GATA4: variants seen among roughly 807,000 people sequenced by gnomAD.
GATA4 encodes GATA binding protein 4.
GATA4 carries 7 observed loss-of-function variants against 37.9 expected under a neutral mutation model. That is an observed-to-expected ratio of 0.18 (90% CI 0.11 to 0.35). The LOEUF is 0.35. Among genes scored for constraint, GATA4 ranks in the 10% least tolerant of loss-of-function variants. GATA4 has a pLI of 1.00. For missense variants in GATA4, 647 were observed against 653.0 expected, an observed-to-expected ratio of 0.99 and a Z score of 0.10; for synonymous variants, 372 against 292.6, an observed-to-expected ratio of 1.27 and a Z score of -2.77.
At chr8:11,733,136 G>C (rs964296673) in intron 2 of GATA4, among the ~76,000 whole-genome samples, 4 of 152,080 alleles carry the variant, frequency 2.6e-5, no homozygotes, top group African/African-American at 9.7e-5. Flanking sequence ...TTACTGAAGG[G>C]CATAAAAGAA....
At chr8:11,731,979 C>T (rs149304703) in intron 2 of GATA4, among the ~76,000 whole-genome samples, 1 of 152,314 alleles carries the variant, frequency 6.6e-6, no homozygotes, top group African/African-American at 2.4e-5. Flanking sequence ...ATCCTGCTAT[C>T]ACAGCAGGGC....
At chr8:11,736,601 G>A (rs925435430) in intron 2 of GATA4, among the ~76,000 whole-genome samples, 3 of 152,258 alleles carry the variant, frequency 2.0e-5, no homozygotes, top group African/African-American at 7.2e-5. Context: ...ACCCCGGGGG[G>A]TGTGGATGTG....
chr8:11,681,158 G>C, intron 1 of GATA4: 2 of 985,254 alleles, frequency 2.0e-6, no homozygotes, highest in Middle Eastern at 5.2e-4. Flanking sequence ...GCTCCGTTCT[G>C]TTCGCAGAAC....
intron 2 of GATA4, among the ~76,000 whole-genome samples, chr8:11,726,518 G>C (rs1156851874): frequency 2.6e-5 from 4 of 152,214 alleles, no homozygotes; most frequent in African/African-American, 9.6e-5. Context: ...GGGACAGGGG[G>C]ACAGGTGGCA....
intron 1 of GATA4, chr8:11,694,363 A>C: frequency 3.1e-4 from 103 of 327,856 alleles, no homozygotes; most frequent in Non-Finnish European, 4.2e-4. Context: ...TGCCCCATTG[A>C]ACCGTTGCCT....
chr8:11,713,438 C>G (rs1206157752), intron 2 of GATA4, among the ~76,000 whole-genome samples: 1 of 152,046 alleles, frequency 6.6e-6, no homozygotes, highest in African/African-American at 2.4e-5. Flanking sequence ...TCTGCCCTGC[C>G]TGGGTCCAAC....
At chr8:11,706,026 T>A (rs994808485) in intron 1 of GATA4, 3 of 152,240 alleles carry the variant, frequency 2.0e-5, no homozygotes, top group African/African-American at 7.2e-5. Context: ...ACTGGATCTT[T>A]TATTAAGGTA....
At chr8:11,692,869 G>C (rs1178085277) in intron 1 of GATA4, 15 of 980,908 alleles carry the variant, frequency 1.5e-5, no homozygotes, top group South Asian at 4.7e-5. Flanking sequence ...GAGCGCCGCC[G>C]AGTTTGCGCC....
chr8:11,693,554 CACACACACAGAGAGAG>C (rs1362186283), intron 1 of GATA4, among the ~76,000 whole-genome samples: 55 of 113,308 alleles, frequency 4.9e-4, no homozygotes, highest in African/African-American at 1.2e-3. Context: ...CACACACACA[CACACACACAGAGAGAG>C]AGAGAGAGAG....
At chr8:11,705,037 C>G (rs1470594853) in intron 1 of GATA4, among the ~76,000 whole-genome samples, 3 of 152,216 alleles carry the variant, frequency 2.0e-5, no homozygotes, top group African/African-American at 7.2e-5. Flanking sequence ...TGTCGCTTGG[C>G]TTTGGGCTCA....
At chr8:11,706,743 T>C (rs1458916626) in intron 1 of GATA4, among the ~76,000 whole-genome samples, 1 of 152,196 alleles carries the variant, frequency 6.6e-6, no homozygotes, top group South Asian at 2.1e-4. Flanking sequence ...CCTGGAGCCC[T>C]ACTGATCCCA....
chr8:11,693,620 G>A (rs1344955391), intron 1 of GATA4, among the ~76,000 whole-genome samples: 6 of 149,720 alleles, frequency 4.0e-5, no homozygotes, highest in African/African-American at 1.5e-4. Flanking sequence ...AGCACAACCG[G>A]TGCATTTCAC....
intron 2 of GATA4, among the ~76,000 whole-genome samples, chr8:11,735,533 T>C (rs1435013234): frequency 6.6e-6 from 1 of 152,190 alleles, no homozygotes; most frequent in Non-Finnish European, 1.5e-5. Context: ...ATGGTGATGG[T>C]GGAGACTTTT....
At chr8:11,732,321 A>AT (rs1801249838) in intron 2 of GATA4, among the ~76,000 whole-genome samples, 2 of 152,208 alleles carry the variant, frequency 1.3e-5, no homozygotes, top group African/African-American at 4.8e-5. Context: ...TCATCGAACT[A>AT]TTCTCCAGGG....
At position 11,758,597 on chromosome 8, in the gene GATA4, T is replaced by C; in HGVS notation, c.*122T>C. ...CTGGTAATGACTCCAGAACAACAAC[T>C]GGGAAGAAACTTGAAGTCGACAATC... On this transcript the variant is annotated 3_prime_UTR_variant, in exon 7 of 7. Transcript: ENST00000532059. 1 of 950,604 alleles carries C rather than the reference T, an allele frequency of 1.1e-6. No homozygotes were observed. Among genetic ancestry groups the C allele is most frequent in the Non-Finnish European group, 1.7e-6 (1 of 595,028 alleles). The allele number at this position is 950,604 out of a possible 1,614,324, so 58.9% of individuals were successfully genotyped here.
Position 11,727,812 on chromosome 8 carries a change from G to A in GATA4, c.616+18884G>A, listed in dbSNP as rs148518078. ...GCCGTGATCTAGCCTGGGTGACAGA[G>A]TGAGACTCTGTCTCAAAAAAAAAAA... On this transcript the variant is annotated intron_variant, in intron 2 of 6. Coordinates refer to ENST00000532059, the MANE Select transcript of GATA4 (RefSeq NM_001308093.3). Among the ~76,000 whole-genome samples, 98 of 151,822 alleles carry A rather than the reference G, an allele frequency of 6.5e-4. 1 individual carries two copies. The East Asian group carries it at 0.018, about 29-fold the overall frequency.
At chr8:11,751,544 T>C (rs1235104964) in intron 4 of GATA4, among the ~76,000 whole-genome samples, 2 of 152,198 alleles carry the variant, frequency 1.3e-5, no homozygotes, top group African/African-American at 4.8e-5. Context: ...CAAGTCTTAA[T>C]TGTTCAAATA....
At chr8:11,715,412 C>T (rs1800392534) in intron 2 of GATA4, among the ~76,000 whole-genome samples, 2 of 152,128 alleles carry the variant, frequency 1.3e-5, no homozygotes. Flanking sequence ...CAAGAAAATA[C>T]ATTTAACATA....
At chr8:11,731,548 A>C (rs972635740) in intron 2 of GATA4, among the ~76,000 whole-genome samples, 1 of 152,224 alleles carries the variant, frequency 6.6e-6, no homozygotes, top group Non-Finnish European at 1.5e-5. Flanking sequence ...GACAGAAAGC[A>C]GAAGAGGGGT....
Sources: allele counts gnomAD v4.1 joint callset (sites outside exome capture counted in the v4.1 genomes callset), GRCh38; gene constraint gnomAD v4.1.1; transcripts MANE v1.5; gene names NCBI Gene and HGNC (gene_info 2026-07-23, HGNC 2026-07-21).